RBL1: variants seen among roughly 807,000 people sequenced by gnomAD.
RBL1 encodes RB transcriptional corepressor like 1.
Under a neutral mutation model 123.0 loss-of-function variants are expected in RBL1, and 82 were observed. The ratio of observed to expected loss-of-function variants is 0.67; its 90% CI spans 0.56 to 0.80. RBL1 has a LOEUF of 0.80. Among genes scored for constraint, RBL1 ranks in the 30% least tolerant of loss-of-function variants. RBL1 has a pLI of 0.00. For missense variants in RBL1, 1,171 were observed against 1,299.6 expected (o/e 0.90, Z 1.52); for synonymous variants, 405 against 441.3 (o/e 0.92, Z 1.03).
At chr20:37,032,958 T>TA (rs1436808276) in intron 15 of RBL1, 82 bp from the exon 16 acceptor site, 1 of 1,524,316 alleles carries the variant, frequency 6.6e-7, no homozygotes, top group Non-Finnish European at 8.8e-7. Context: ...CAATTATATA[T>TA]ACATATATCT....
chr20:37,076,250 G>C (rs1043630787), intron 2 of RBL1, among the ~76,000 whole-genome samples: 1 of 152,074 alleles, frequency 6.6e-6, no homozygotes, highest in Non-Finnish European at 1.5e-5. Context: ...ACCATATATA[G>C]AGTATATATT....
chr20:37,042,038 A>G (rs1222538860), intron 13 of RBL1, among the ~76,000 whole-genome samples: 1 of 141,992 alleles, frequency 7.0e-6, no homozygotes, highest in African/African-American at 2.6e-5. Flanking sequence ...ACGCCACCGC[A>G]CTCCAGCCTG....
intron 1 of RBL1, among the ~76,000 whole-genome samples, chr20:37,093,582 T>G (rs541024322): frequency 4.7e-4 from 72 of 151,812 alleles, no homozygotes; most frequent in Non-Finnish European, 5.9e-4. Flanking sequence ...GAGTTTACAG[T>G]GAGCTATAAT....
intron 1 of RBL1, among the ~76,000 whole-genome samples, chr20:37,090,344 TAAGTG>T (rs1178149743): frequency 6.6e-6 from 1 of 152,196 alleles, no homozygotes; most frequent in Non-Finnish European, 1.5e-5. Context: ...TCCCTGTCAT[TAAGTG>T]AAGCATGTCT....
chr20:37,053,781 A>T (rs2064958904), intron 11 of RBL1, among the ~76,000 whole-genome samples: 6 of 152,156 alleles, frequency 3.9e-5, no homozygotes, highest in Admixed American at 3.9e-4. Context: ...AAATGTGAGG[A>T]TTTACTGTAT....
chr20:37,088,682 C>T (rs2065594933), intron 2 of RBL1, among the ~76,000 whole-genome samples: 1 of 150,810 alleles, frequency 6.6e-6, no homozygotes, highest in African/African-American at 2.4e-5. Flanking sequence ...TGATGAAACC[C>T]CATCTCTACT....
chr20:37,063,333 G>C (rs544526330), intron 7 of RBL1, among the ~76,000 whole-genome samples: 1 of 152,030 alleles, frequency 6.6e-6, no homozygotes, highest in East Asian at 2.0e-4. Flanking sequence ...GAGTCACTTC[G>C]AGCTTGGCTG....
intron 21 of RBL1, among the ~76,000 whole-genome samples, chr20:37,001,041 C>G (rs367759218): frequency 8.6e-5 from 12 of 139,870 alleles, no homozygotes; most frequent in Admixed American, 2.1e-4. Context: ...GTCAGCCCCC[C>G]ACCCGGCCAG....
intron 19 of RBL1, 98 bp from the exon 20 acceptor site, chr20:37,007,657 A>G (rs893720486): frequency 3.2e-6 from 4 of 1,255,700 alleles, no homozygotes; most frequent in Admixed American, 2.4e-5. Context: ...CAGTGGTGCA[A>G]TCTTGGCTCA....
chr20:37,022,204 A>C (rs1174828478), intron 17 of RBL1, among the ~76,000 whole-genome samples: 1 of 152,254 alleles, frequency 6.6e-6, no homozygotes, highest in Non-Finnish European at 1.5e-5. Context: ...ATATATGAGA[A>C]TTTTAAAAAA....
Position 37,046,018 on chromosome 20 carries a change from G to A in RBL1, c.1605+1035C>T, listed in dbSNP as rs553149439. ...CTGTGATGACTAAACGTTATTGAGGGTGATGATGTAGTTCAATAGCTATGA... is the reference window on the plus strand; with the variant it reads ...CTGTGATGACTAAACGTTATTGAGGATGATGATGTAGTTCAATAGCTATGA... On this transcript the variant is annotated intron_variant, in intron 12 of 21. Coordinates refer to ENST00000373664, the MANE Select transcript of RBL1 (RefSeq NM_002895.5). Among the ~76,000 whole-genome samples, 8 of 152,278 alleles carry A rather than the reference G, an allele frequency of 5.3e-5. No individual in the cohort carries two copies. In the East Asian group the frequency reaches 1.5e-3, roughly 29 times the overall value.
chr20:37,078,547 C>T (rs779758664), intron 2 of RBL1, among the ~76,000 whole-genome samples: 3 of 152,204 alleles, frequency 2.0e-5, no homozygotes, highest in Non-Finnish European at 4.4e-5. Context: ...TTGTTGAGCA[C>T]TCCTTACTTT....
chr20:37,010,169 G>A (rs1426896207), intron 19 of RBL1, among the ~76,000 whole-genome samples: 1 of 151,962 alleles, frequency 6.6e-6, no homozygotes, highest in African/African-American at 2.4e-5. Context: ...ACCAGTCTGG[G>A]CAACACAGTG....
chr20:37,013,881 A>G (rs2064206500), intron 19 of RBL1, among the ~76,000 whole-genome samples: 1 of 152,154 alleles, frequency 6.6e-6, no homozygotes, highest in African/African-American at 2.4e-5. Context: ...GGATATATAA[A>G]TTGTGTGTGT....
chr20:37,015,282 G>GCA (rs1410992437), intron 19 of RBL1, among the ~76,000 whole-genome samples: 1 of 152,072 alleles, frequency 6.6e-6, no homozygotes, highest in Non-Finnish European at 1.5e-5. Flanking sequence ...ATACTTGCTA[G>GCA]CAGTTAGTTT....
intron 8 of RBL1, 39 bp from the exon 9 acceptor site, chr20:37,061,308 C>A (rs757476742): frequency 2.5e-6 from 4 of 1,596,078 alleles, no homozygotes; most frequent in African/African-American, 1.3e-5. Flanking sequence ...TTAAAAGTTA[C>A]CATCTTCCTT....
At chr20:37,028,940 C>T (rs913524395) in intron 16 of RBL1, among the ~76,000 whole-genome samples, 13 of 152,044 alleles carry the variant, frequency 8.6e-5, no homozygotes, top group Admixed American at 3.3e-4. Flanking sequence ...CGAATATTGG[C>T]GCAAAAATCC....
intron 7 of RBL1, among the ~76,000 whole-genome samples, chr20:37,064,469 T>C (rs1600562468): frequency 6.6e-6 from 1 of 151,714 alleles, no homozygotes; most frequent in African/African-American, 2.4e-5. Flanking sequence ...ATTGGCCGGG[T>C]GTGGTGGGTC....
At chr20:37,029,863 A>C (rs1469453544) in intron 16 of RBL1, among the ~76,000 whole-genome samples, 2 of 152,256 alleles carry the variant, frequency 1.3e-5, no homozygotes, top group African/African-American at 4.8e-5. Context: ...AAGAATACTT[A>C]GGAATAATCT....
Sources: allele counts gnomAD v4.1 joint callset (sites outside exome capture counted in the v4.1 genomes callset), GRCh38; gene constraint gnomAD v4.1.1; transcripts MANE v1.5; gene names NCBI Gene and HGNC (gene_info 2026-07-23, HGNC 2026-07-21).